The following DOCK1 variants were observed in gnomAD, a reference collection of about 807,000 sequenced individuals.
DOCK1 encodes the protein dedicator of cytokinesis 1, also known as dedicator of cytokinesis protein 1.
Under a neutral mutation model 262.7 loss-of-function variants are expected in DOCK1, and 138 were observed. The observed-to-expected ratio is 0.53, with a 90% CI of 0.46 to 0.61. The LOEUF (loss-of-function observed/expected upper bound fraction) is 0.61. DOCK1 is among the 20% of genes least tolerant of loss of function. The pLI, the probability that DOCK1 is intolerant of heterozygous loss-of-function variation, is 0.00. For synonymous variants in DOCK1, 866 were observed against 867.4 expected, an observed-to-expected ratio of 1.00 and a Z score of 0.03; for missense variants, 1,908 against 2,370.7, an observed-to-expected ratio of 0.80 and a Z score of 4.05.
intron 1 of DOCK1, among the ~76,000 whole-genome samples, chr10:126,961,534 C>G (rs1365743868): frequency 1.3e-5 from 2 of 152,200 alleles, no homozygotes; most frequent in Non-Finnish European, 2.9e-5. Flanking sequence ...TCGTTTCTTA[C>G]TTGTCTCTGA....
chr10:127,384,710 G>C (rs550789245), intron 37 of DOCK1, 80 bp from the exon 38 acceptor site: 2 of 1,439,636 alleles, frequency 1.4e-6, no homozygotes, highest in East Asian at 5.1e-5. Context: ...CCACACGCGT[G>C]TCCGATGCGA....
At chr10:127,065,866 G>A (rs530382637) in intron 23 of DOCK1, among the ~76,000 whole-genome samples, 1,894 of 149,750 alleles carry the variant, frequency 0.013, 28 homozygotes, top group African/African-American at 0.035. Context: ...AAAAAAAAAT[G>A]ATAAAAGAAA....
Position 127,308,167 on chromosome 10 carries a change from G to A in DOCK1, c.3045-30839G>A, listed in dbSNP as rs960227247. Among the ~76,000 whole-genome samples the A allele has an allele frequency of 3.3e-5, 5 of 152,206 alleles. No individual in the cohort carries two copies. The East Asian group carries it at 9.7e-4, about 29-fold the overall frequency. ...AAACCACATGCCTTTCTCTCTAGGGGTGACAGCATTGTTGGCCTCCATCCT... is the reference window on the plus strand; with the variant it reads ...AAACCACATGCCTTTCTCTCTAGGGATGACAGCATTGTTGGCCTCCATCCT... On this transcript the variant is annotated intron_variant, in intron 29 of 51. Coordinates refer to ENST00000623213, the MANE Select transcript of DOCK1 (RefSeq NM_001290223.2).
chr10:126,984,837 C>A lies in DOCK1; in HGVS notation c.228-2684C>A, dbSNP rs571511658. 3.3e-5 allele frequency among the ~76,000 whole-genome samples: 5 copies of A among 152,220 alleles called. No homozygotes were observed. The East Asian group carries it at 9.6e-4, about 29-fold the overall frequency. On this transcript the variant is annotated intron_variant, in intron 4 of 51. Coordinates refer to ENST00000623213, the MANE Select transcript of DOCK1 (RefSeq NM_001290223.2). Reference sequence around the variant, plus strand: ...GAGAACACTTAAAATCTACTCTCAGCAATTTCGAGTATACAATACATAGCT... The same window carrying A: ...GAGAACACTTAAAATCTACTCTCAGAAATTTCGAGTATACAATACATAGCT...
At chr10:127,025,604 G>A (rs1221336661) in intron 15 of DOCK1, among the ~76,000 whole-genome samples, 6 of 151,990 alleles carry the variant, frequency 3.9e-5, no homozygotes, top group Non-Finnish European at 8.8e-5. Flanking sequence ...GTACCATGAT[G>A]CCTGGCTAAT....
chr10:127,033,113 A>G (rs922173971), intron 18 of DOCK1, among the ~76,000 whole-genome samples: 1 of 152,208 alleles, frequency 6.6e-6, no homozygotes, highest in Non-Finnish European at 1.5e-5. Flanking sequence ...TTACATGAAC[A>G]GTGGGCTGGG....
At chr10:127,287,795 C>A (rs1052480733) in intron 29 of DOCK1, among the ~76,000 whole-genome samples, 1 of 152,126 alleles carries the variant, frequency 6.6e-6, no homozygotes, top group African/African-American at 2.4e-5. Context: ...TTAGTGGCAT[C>A]AGGTGCTGCC....
At chr10:127,123,407 G>T (rs1323057079) in intron 25 of DOCK1, among the ~76,000 whole-genome samples, 2 of 152,200 alleles carry the variant, frequency 1.3e-5, no homozygotes, top group African/African-American at 4.8e-5. Context: ...ACTCATTTGG[G>T]AGATATTATG....
At chr10:127,431,934 G>A (rs146683555) in intron 47 of DOCK1, among the ~76,000 whole-genome samples, 9 of 152,288 alleles carry the variant, frequency 5.9e-5, no homozygotes, top group African/African-American at 2.2e-4. Context: ...GGGTGAGGGA[G>A]CATTACTGTC....
At position 127,037,701 on chromosome 10, in the gene DOCK1, G is replaced by A; in HGVS notation, c.1913-18G>A. 2 of 1,564,738 alleles carry A rather than the reference G, an allele frequency of 1.3e-6. No individual in the cohort carries two copies. Among genetic ancestry groups the A allele is most frequent in the Non-Finnish European group, 8.7e-7 (1 of 1,154,252 alleles). ...GTTTCTTGCTTGTGAAGATCTGATT[G>A]TCATTTTCTGTTTCCAGTGGACCTT... On this transcript the variant is annotated intron_variant, in intron 18 of 51. Coordinates refer to ENST00000623213, the MANE Select transcript of DOCK1 (RefSeq NM_001290223.2).
intron 27 of DOCK1, among the ~76,000 whole-genome samples, chr10:127,196,648 C>T (rs1288826723): frequency 7.6e-6 from 1 of 130,788 alleles, no homozygotes; most frequent in Non-Finnish European, 1.6e-5. Flanking sequence ...CGGGCCGGGC[C>T]GCGTGCGTGG....
At chr10:127,129,314 T>C (rs2050163410) in intron 27 of DOCK1, among the ~76,000 whole-genome samples, 2 of 152,204 alleles carry the variant, frequency 1.3e-5, no homozygotes, top group Non-Finnish European at 2.9e-5. Flanking sequence ...CTTTTTAAAG[T>C]GTTTAAACTT....
chr10:127,266,262 T>G (rs1217968191), intron 29 of DOCK1, among the ~76,000 whole-genome samples: 1 of 152,218 alleles, frequency 6.6e-6, no homozygotes, highest in Non-Finnish European at 1.5e-5. Context: ...AACTCTTGGA[T>G]TATTACTTCT....
chr10:127,436,674 A>T (rs1029892777), intron 48 of DOCK1, among the ~76,000 whole-genome samples: 12 of 152,078 alleles, frequency 7.9e-5, no homozygotes, highest in Non-Finnish European at 1.6e-4. Context: ...CTCAAATATC[A>T]TATTTTATCT....
At chr10:127,271,026 T>TGCAC (rs1554937001) in intron 29 of DOCK1, among the ~76,000 whole-genome samples, 3 of 151,592 alleles carry the variant, frequency 2.0e-5, no homozygotes, top group Non-Finnish European at 4.4e-5. Flanking sequence ...TATGTATATA[T>TGCAC]ACACACACAC....
intron 33 of DOCK1, among the ~76,000 whole-genome samples, chr10:127,364,540 A>G (rs942431331): frequency 6.6e-6 from 1 of 151,868 alleles, no homozygotes; most frequent in African/African-American, 2.4e-5. Flanking sequence ...TAATTTTTGT[A>G]TTTTTAGTAG....
rs1433221274 is a variant in DOCK1 at position 127,069,132 on chromosome 10, CT to C, written c.2445+7359del. On this transcript the variant is annotated intron_variant, in intron 23 of 51. Transcript: ENST00000623213. ...ATTCCTGGGTGATGACTCTGTGCTT[CT>C]TTCATTGGCGCCGTGTGTCTGCCCT... Among the ~76,000 whole-genome samples, 7 of 152,344 alleles carry C rather than the reference CT, an allele frequency of 4.6e-5. No homozygotes were observed. The South Asian group carries it at 6.2e-4, about 14-fold the overall frequency.
chr10:127,175,366 C>T lies in DOCK1; in HGVS notation c.2847+47602C>T. Reference sequence around the variant, plus strand: ...TGAGGCACGATTCGTTGGCATTCTTCACCTGCAGCAACCGCTGTGGGACTA... The same window carrying T: ...TGAGGCACGATTCGTTGGCATTCTTTACCTGCAGCAACCGCTGTGGGACTA... On this transcript the variant is annotated intron_variant, in intron 27 of 51. Coordinates refer to ENST00000623213, the MANE Select transcript of DOCK1 (RefSeq NM_001290223.2). This position sits in a 1 kb window ranked among gnomAD's most constrained non-coding sequence, Gnocchi z 6.3. 5.0e-6 allele frequency: 8 copies of T among 1,614,104 alleles called. No homozygotes were observed. Among genetic ancestry groups the T allele is most frequent in the Non-Finnish European group, 6.8e-6 (8 of 1,180,048 alleles).
At chr10:127,261,699 G>A (rs527476863) in intron 29 of DOCK1, among the ~76,000 whole-genome samples, 20 of 144,034 alleles carry the variant, frequency 1.4e-4, no homozygotes, top group African/African-American at 4.2e-4. Flanking sequence ...GTGGGTGTGC[G>A]TGTACCTGCA....
Sources: gnomAD v4.1 joint callset for allele counts (sites outside exome capture counted in the v4.1 genomes callset) on GRCh38, gnomAD v4.1.1 for gene constraint, Gnocchi (gnomAD v3.1) non-coding constraint, MANE v1.5 for transcripts, NCBI Gene and HGNC (gene_info 2026-07-23, HGNC 2026-07-21) for gene names.